CCDC179: variants seen among roughly 807,000 people sequenced by gnomAD.
CCDC179 encodes coiled-coil domain containing 179.
A neutral mutation model predicts 12.0 loss-of-function variants in CCDC179; 17 were observed. The observed-to-expected ratio is 1.42, with a 90% confidence interval of 0.97 to 2.13. CCDC179 has a LOEUF of 2.13. CCDC179 is among the 30% of genes most tolerant of loss of function. CCDC179 has a pLI of 0.00. For missense variants in CCDC179, 83 were observed against 78.6 expected (o/e 1.06, Z -0.21); for synonymous variants, 27 against 26.4 (o/e 1.02, Z -0.07).
chr11:22,855,337 A>G (rs913468047), intron 3 of CCDC179, among the ~76,000 whole-genome samples: 1 of 151,718 alleles, frequency 6.6e-6, no homozygotes, highest in African/African-American at 2.4e-5. Context: ...AAGGATAGAA[A>G]TCATACAAAG....
At chr11:22,849,644 T>C (rs1344302198) in intron 3 of CCDC179, among the ~76,000 whole-genome samples, 2 of 152,136 alleles carry the variant, frequency 1.3e-5, no homozygotes, top group African/African-American at 2.4e-5. Context: ...ACCCAACGTA[T>C]AGTCTTTTAG....
chr11:22,853,568 G>T (rs1374060426), intron 3 of CCDC179, among the ~76,000 whole-genome samples: 2 of 151,580 alleles, frequency 1.3e-5, no homozygotes, highest in Non-Finnish European at 2.9e-5. Context: ...CAAACTAACG[G>T]TAAGGAGAAA....
chr11:22,852,939 A>G (rs1405548949), intron 3 of CCDC179, among the ~76,000 whole-genome samples: 4 of 152,212 alleles, frequency 2.6e-5, no homozygotes, highest in Non-Finnish European at 5.9e-5. Flanking sequence ...TTCTTCCCCT[A>G]CAACTTACCA....
In CCDC179 at chr11:22,859,454, G is replaced by A. The variant is rs1175405404; in HGVS notation, c.88C>T (p.Gln30Ter). 28 of 1,490,834 alleles carry A rather than the reference G, an allele frequency of 1.9e-5. No homozygotes were observed. The highest frequency in any genetic ancestry group is 3.5e-4 in the Middle Eastern group (2 of 5,752). 92.4% of individuals were successfully genotyped at this position (1,490,834 alleles called of 1,614,324 possible). A position where few individuals can be genotyped will look rare whatever the true frequency, so the allele number is the denominator to read the frequency against. The change falls in exon 2 of 4, where the codon CAG (glutamine) becomes TAG (stop). Residue 30 changes from glutamine (Q) to a stop codon, truncating the protein, a stop_gained and splice_region_variant. Transcript: ENST00000532798. LOFTEE classifies it high-confidence loss of function. ...QHHPSEVTER[Q>*]LANKRIQNMQ... ...CTAGTTCTTTATTTAAACATTACCT[G>A]CCGCTCAGTGACCTCTGAAGGATGA...
chr11:22,852,813 A>G (rs983548723), intron 3 of CCDC179, among the ~76,000 whole-genome samples: 2 of 152,180 alleles, frequency 1.3e-5, no homozygotes, highest in East Asian at 1.9e-4. Flanking sequence ...CTCTATTGCA[A>G]TTCCCCTGTC....
chr11:22,858,116 A>G, intron 2 of CCDC179, 90 bp from the exon 3 acceptor site: 1 of 756,136 alleles, frequency 1.3e-6, no homozygotes, highest in Non-Finnish European at 2.0e-6. Context: ...TGTGTCAATA[A>G]AAAAGGTAAA....
intron 3 of CCDC179, among the ~76,000 whole-genome samples, chr11:22,850,831 A>T (rs1488711468): frequency 6.6e-6 from 1 of 150,390 alleles, no homozygotes; most frequent in Non-Finnish European, 1.5e-5. Context: ...ATTGTCTTAC[A>T]CTATAGAAAG....
chr11:22,857,947 G>C lies in CCDC179; in HGVS notation c.170C>G (p.Ser57Cys), dbSNP rs1858565844. The change falls in exon 3 of 4, where the codon TCT becomes TGT. Residue 57 changes from serine to cysteine, a missense_variant. Ser to Cys is a moderately radical substitution (Grantham distance 112). Transcript: ENST00000532798. The part of the protein sequence containing the change: ...RRLNKRFSRP[S>C]PIPEPGLLWS... ...TAGGAGTCCTGGTTCTGGAATAGGAGAAGGCCTTGAAAACCTTTTATTCAG... is the reference window on the plus strand; with the variant it reads ...TAGGAGTCCTGGTTCTGGAATAGGACAAGGCCTTGAAAACCTTTTATTCAG... The C allele has an allele frequency of 6.6e-7, 1 of 1,525,440 alleles. No homozygotes were observed. Among genetic ancestry groups the C allele is most frequent in the Non-Finnish European group, 8.8e-7 (1 of 1,141,294 alleles). 94.5% of individuals were successfully genotyped at this position (1,525,440 alleles called of 1,614,324 possible).
intron 2 of CCDC179, 59 bp from the exon 3 acceptor site, chr11:22,858,085 A>G: frequency 9.4e-7 from 1 of 1,069,340 alleles, no homozygotes; most frequent in Non-Finnish European, 1.3e-6. Context: ...TAAAGGTAAC[A>G]TTCTGATTAC....
At chr11:22,855,061 A>G (rs1858502221) in intron 3 of CCDC179, among the ~76,000 whole-genome samples, 1 of 151,708 alleles carries the variant, frequency 6.6e-6, no homozygotes, top group Non-Finnish European at 1.5e-5. Flanking sequence ...TATGTGAGGC[A>G]AAAACTGATA....
In CCDC179 at chr11:22,857,976, C is replaced by G. The variant is rs913965525; in HGVS notation, c.141G>C (p.Arg47Ser). ...QNMQHLKKEK[R>S]RLNKRFSRPS... ...GCCTTGAAAACCTTTTATTCAGTCT[C>G]CTCTTCTCTTTCTTTAGGTGTTGCA... is the stretch of plus-strand genomic sequence containing the variant. Residue 47 changes from arginine (R) to serine (S), a missense_variant, in exon 3 of 4, where the codon AGG (arginine) becomes AGC (serine). Coordinates refer to ENST00000532798, the MANE Select transcript of CCDC179 (RefSeq NM_001195637.2). The G allele has an allele frequency of 9.2e-6, 14 of 1,528,388 alleles. No individual in the cohort carries two copies. The highest frequency in any genetic ancestry group is 1.1e-5 in the Non-Finnish European group (13 of 1,143,624). 94.7% of individuals were successfully genotyped at this position (1,528,388 alleles called of 1,614,324 possible).
Position 22,860,445 on chromosome 11 carries a change from C to CT in CCDC179, c.-25dup. On this transcript the variant is annotated 5_prime_UTR_variant, in exon 1 of 4. Coordinates refer to ENST00000532798, the MANE Select transcript of CCDC179 (RefSeq NM_001195637.2). ...ATGCCGTGGAGCCTTAGGGCGCCCC[C>CT]TGACGCCTACTGCCTGTCCTGGACC... is the stretch of plus-strand genomic sequence containing the variant. 1 of 1,530,926 alleles carries CT rather than the reference C, an allele frequency of 6.5e-7. No individual in the cohort carries two copies. Among genetic ancestry groups the CT allele is most frequent in the South Asian group, 1.2e-5 (1 of 83,254 alleles). The allele number at this position is 1,530,926 out of a possible 1,614,324, so 94.8% of individuals were successfully genotyped here. A position where few individuals can be genotyped will look rare whatever the true frequency, so the allele number is the denominator to read the frequency against.
At chr11:22,855,574 A>G (rs1016061925) in intron 3 of CCDC179, among the ~76,000 whole-genome samples, 1 of 151,578 alleles carries the variant, frequency 6.6e-6, no homozygotes, top group Non-Finnish European at 1.5e-5. Context: ...ATTTTATAGC[A>G]TTAAATTAAT....
rs554566325 is a variant in CCDC179, at chr11:22,848,181, C to T, written c.196-660G>A. ...AAAGTTGGCCAAGCATGGTGGCTTA[C>T]GCCTGTAATCCCCACATTTTGGGAG... On this transcript the variant is annotated intron_variant, in intron 3 of 3. Transcript: ENST00000532798. Among the ~76,000 whole-genome samples, 7 of 152,316 alleles carry T rather than the reference C, an allele frequency of 4.6e-5. No homozygotes were observed. In the South Asian group the frequency reaches 8.3e-4, roughly 18 times the overall value.
Position 22,847,220 on chromosome 11 carries a change from G to A in CCDC179, c.*290C>T. 4.0e-6 allele frequency: 1 copy of A among 247,470 alleles called. No homozygotes were observed. 15.3% of individuals were successfully genotyped at this position (247,470 alleles called of 1,614,324 possible). A position where few individuals can be genotyped will look rare whatever the true frequency, so the allele number is the denominator to read the frequency against. On this transcript the variant is annotated 3_prime_UTR_variant, in exon 4 of 4. Transcript: ENST00000532798. ...AAAACATTTGCAAAAATTTAAATGAGAATAATATTTTTCAAAAGTCTACCT... is the reference window on the plus strand; with the variant it reads ...AAAACATTTGCAAAAATTTAAATGAAAATAATATTTTTCAAAAGTCTACCT...
chr11:22,851,027 C>G (rs1462643527), intron 3 of CCDC179, among the ~76,000 whole-genome samples: 1 of 109,674 alleles, frequency 9.1e-6, no homozygotes, highest in Non-Finnish European at 1.7e-5. Flanking sequence ...GCTCTGTCAC[C>G]CAGGCTGGAG....
intron 3 of CCDC179, 139 bp from the exon 4 acceptor site, chr11:22,847,660 A>G (rs1483845983): frequency 2.4e-6 from 1 of 420,246 alleles, no homozygotes; most frequent in Non-Finnish European, 4.0e-6. Context: ...AAAAATAATC[A>G]TTAATAGCTA....
chr11:22,857,035 G>C (rs1423406667), intron 3 of CCDC179, among the ~76,000 whole-genome samples: 2 of 151,600 alleles, frequency 1.3e-5, no homozygotes, highest in Non-Finnish European at 3.0e-5. Context: ...TAAATAAATA[G>C]GAGAAATTCT....
At chr11:22,858,117 A>G in intron 2 of CCDC179, 91 bp from the exon 3 acceptor site, 3 of 760,860 alleles carry the variant, frequency 3.9e-6, no homozygotes, top group Admixed American at 7.0e-5. Context: ...GTGTCAATAA[A>G]AAAGGTAAAC....
Sources: allele counts gnomAD v4.1 joint callset (sites outside exome capture counted in the v4.1 genomes callset), GRCh38; gene constraint gnomAD v4.1.1; transcripts MANE v1.5; gene names NCBI Gene and HGNC (gene_info 2026-07-23, HGNC 2026-07-21).